Variants in TMEM131 observed in about 807,000 individuals in gnomAD.
The protein encoded by TMEM131 is 2610524E03Rik.
In TMEM131, 66 loss-of-function variants were observed where a neutral mutation model predicts 211.6. The ratio of observed to expected loss-of-function variants is 0.31; its 90% CI spans 0.26 to 0.38. The LOEUF (loss-of-function observed/expected upper bound fraction) is 0.38, where lower values mean the gene tolerates loss of function less well. Ranked by LOEUF, TMEM131 falls within the 10% of genes least tolerant of loss-of-function variation. The probability of loss-of-function intolerance (pLI) is 1.00; values close to 1 mark genes in which losing one functional copy is unlikely to be tolerated. For synonymous variants in TMEM131, 844 were observed against 841.3 expected (o/e 1.00, Z -0.06); for missense variants, 2,036 against 2,299.3 (o/e 0.89, Z 2.34).
intron 1 of TMEM131, among the ~76,000 whole-genome samples, chr2:97,950,614 A>G (rs1429102731): frequency 6.6e-6 from 1 of 152,158 alleles, no homozygotes; most frequent in East Asian, 1.9e-4. Context: ...AGAGCAGTTA[A>G]CATCACTGAC....
chr2:97,823,289 G>T (rs139297473), intron 11 of TMEM131, among the ~76,000 whole-genome samples: 2,592 of 152,110 alleles, frequency 0.017, 28 homozygotes, highest in Non-Finnish European at 0.028. Context: ...CAAGCTGTAG[G>T]GGGAGAGGAA....
At chr2:97,995,375 C>A (rs909532639) in intron 1 of TMEM131, 101 bp downstream of exon 1, 54 of 1,192,012 alleles carry the variant, frequency 4.5e-5, no homozygotes, top group Non-Finnish European at 5.1e-5. Context: ...AACTTTGCGC[C>A]GGAGCCCCGG....
At chr2:97,972,079 A>G (rs957316520) in intron 1 of TMEM131, among the ~76,000 whole-genome samples, 1 of 151,892 alleles carries the variant, frequency 6.6e-6, no homozygotes, top group African/African-American at 2.4e-5. Flanking sequence ...GTGGTGCCAC[A>G]TGCCTGTAAT....
At chr2:97,921,642 C>G (rs1922280) in intron 2 of TMEM131, among the ~76,000 whole-genome samples, 105,453 of 152,088 alleles carry the variant, frequency 0.69, 37,971 homozygotes, top group African/African-American at 0.81. Flanking sequence ...TTTGTTACTG[C>G]TGTGAGGTTA....
chr2:97,995,259 A>T (rs902371808), intron 1 of TMEM131, among the ~76,000 whole-genome samples: 1 of 152,260 alleles, frequency 6.6e-6, no homozygotes, highest in African/African-American at 2.4e-5. Context: ...TTGAAATGGC[A>T]GTGACAGGAG....
chr2:97,992,557 A>G (rs1338919369), intron 1 of TMEM131, among the ~76,000 whole-genome samples: 1 of 152,214 alleles, frequency 6.6e-6, no homozygotes, highest in Non-Finnish European at 1.5e-5. Flanking sequence ...CTAGATACAT[A>G]AACTATAGCT....
chr2:97,757,195 C>T lies in TMEM131; in HGVS notation c.5556G>A (p.Leu1852=), dbSNP rs749944160. ...TCCGCCACGGGTTGTAGGTCTGTCCCAAGTCGTCAGCTGGACTGGAGGTGG... is the reference window on the plus strand; with the variant it reads ...TCCGCCACGGGTTGTAGGTCTGTCCTAAGTCGTCAGCTGGACTGGAGGTGG... ...APSTSSPADD[L]GQTYNPWRIW... The change falls in exon 41 of 41, where the codon TTG becomes TTA. Residue 1852 remains leucine (L), a synonymous_variant. Coordinates refer to ENST00000186436, the MANE Select transcript of TMEM131 (RefSeq NM_015348.2). 1 of 1,613,858 alleles carries T rather than the reference C, an allele frequency of 6.2e-7. No homozygotes were observed. Among genetic ancestry groups the T allele is most frequent in the African/African-American group, 1.3e-5 (1 of 74,896 alleles).
At chr2:97,812,193 T>C (rs567064106) in intron 17 of TMEM131, among the ~76,000 whole-genome samples, 1 of 152,376 alleles carries the variant, frequency 6.6e-6, no homozygotes, top group South Asian at 2.1e-4. Context: ...TTGTGTGTTA[T>C]AGAACTTTTT....
chr2:97,950,085 G>A (rs890259524), intron 1 of TMEM131, among the ~76,000 whole-genome samples: 3 of 152,024 alleles, frequency 2.0e-5, no homozygotes, highest in Non-Finnish European at 2.9e-5. Context: ...ATCTCATTAC[G>A]TGTCTTTCTT....
intron 1 of TMEM131, among the ~76,000 whole-genome samples, chr2:97,938,497 C>T (rs571890211): frequency 3.3e-5 from 5 of 152,234 alleles, no homozygotes; most frequent in African/African-American, 7.2e-5. Context: ...AATATATATG[C>T]ACCAATACAG....
chr2:97,766,383 T>C (rs187631273), intron 34 of TMEM131, 95 bp downstream of exon 34: 3 of 1,599,604 alleles, frequency 1.9e-6, no homozygotes, highest in African/African-American at 2.7e-5. Context: ...GACTAATAAC[T>C]ACTGACTGCT....
chr2:97,792,959 C>G lies in TMEM131; in HGVS notation c.3571G>C (p.Gly1191Arg). The change falls in exon 31 of 41, where the codon GGT becomes CGT. Residue 1191 changes from glycine (G) to arginine (R), a missense_variant. Coordinates refer to ENST00000186436, the MANE Select transcript of TMEM131 (RefSeq NM_015348.2). ...GNLNTLSCDP[G>R]HSRGFCGAGG... ...GCTCCACAGAACCCCCTACTGTGAC[C>G]GGGGTCACAGCTGAGTGTGTTCAAG... The G allele has an allele frequency of 6.3e-7, 1 of 1,596,100 alleles. No individual in the cohort carries two copies. The highest frequency in any genetic ancestry group is 8.5e-7 in the Non-Finnish European group (1 of 1,171,712).
chr2:97,965,203 C>G (rs1235444296), intron 1 of TMEM131, among the ~76,000 whole-genome samples: 1 of 152,188 alleles, frequency 6.6e-6, no homozygotes, highest in Non-Finnish European at 1.5e-5. Context: ...TAGACACACG[C>G]CTTTGCTTGG....
intron 12 of TMEM131, 78 bp downstream of exon 12, chr2:97,818,535 A>G: frequency 1.2e-6 from 1 of 832,444 alleles, no homozygotes; most frequent in Non-Finnish European, 1.8e-6. Flanking sequence ...GGATTTTTAT[A>G]TTAAGACGTT....
intron 1 of TMEM131, among the ~76,000 whole-genome samples, chr2:97,967,297 A>AATTCTTGGAAGCTAATTACTAT (rs1679101423): frequency 6.6e-6 from 1 of 152,186 alleles, no homozygotes; most frequent in Admixed American, 6.5e-5. Context: ...CTAACAAAAA[A>AATTCTTGGAAGCTAATTACTAT]ATTCTTGGAA....
intron 3 of TMEM131, among the ~76,000 whole-genome samples, chr2:97,894,579 T>G (rs577710321): frequency 6.6e-6 from 1 of 152,304 alleles, no homozygotes; most frequent in South Asian, 2.1e-4. Flanking sequence ...TTGTAGTTCT[T>G]CTTGAAGACG....
At chr2:97,875,161 G>A (rs1419927224) in intron 4 of TMEM131, among the ~76,000 whole-genome samples, 1 of 152,148 alleles carries the variant, frequency 6.6e-6, no homozygotes, top group Non-Finnish European at 1.5e-5. Context: ...AACAAGAAGA[G>A]CTAACTATCC....
chr2:97,796,076 A>G (rs1680746090), intron 28 of TMEM131, 142 bp downstream of exon 28: 1 of 523,222 alleles, frequency 1.9e-6, no homozygotes, highest in Non-Finnish European at 3.2e-6. Context: ...GATATGAAGA[A>G]ATACCTTAGC....
At position 97,805,155 on chromosome 2, in the gene TMEM131, C is replaced by T. The variant is rs1313352170; in HGVS notation, c.2335G>A (p.Ala779Thr). ...AGGCTTTGATGCAAATCCCAGTCAG[C>T]ATCCCACATATCTTCCTGCATGGCT... ...GVAMQEDMWD[A>T]DWDLHQSLFK... is the part of the protein sequence containing the mutation. The change falls in exon 22 of 41, where the codon GCT becomes ACT. Residue 779 changes from alanine to threonine, a missense_variant. Physicochemically the swap from Ala to Thr is moderately conservative, Grantham distance 58. Coordinates refer to ENST00000186436, the MANE Select transcript of TMEM131 (RefSeq NM_015348.2). The T allele has an allele frequency of 1.9e-6, 3 of 1,613,898 alleles. No individual in the cohort carries two copies. Among genetic ancestry groups the T allele is most frequent in the Middle Eastern group, 1.6e-4 (1 of 6,062 alleles).
Sources: gnomAD v4.1 joint callset for allele counts (sites outside exome capture counted in the v4.1 genomes callset) on GRCh38, gnomAD v4.1.1 for gene constraint, MANE v1.5 for transcripts, NCBI Gene and HGNC (gene_info 2026-07-23, HGNC 2026-07-21) for gene names.